KATNIP: variants seen among roughly 807,000 people sequenced by gnomAD.
KATNIP encodes katanin-interacting protein.
KATNIP carries 126 observed loss-of-function variants against 174.0 expected under a neutral mutation model. The observed-to-expected ratio is 0.72, with a 90% CI of 0.63 to 0.84. The LOEUF (loss-of-function observed/expected upper bound fraction) is 0.84. Ranked by LOEUF, KATNIP falls within the 40% of genes least tolerant of loss-of-function variation. KATNIP has a pLI of 0.00. For missense variants in KATNIP, 1,958 were observed against 2,109.7 expected (o/e 0.93, Z 1.41); for synonymous variants, 810 against 835.7 (o/e 0.97, Z 0.53).
chr16:27,762,481 G>A (rs1246135785), intron 19 of KATNIP, among the ~76,000 whole-genome samples: 1 of 152,110 alleles, frequency 6.6e-6, no homozygotes, highest in East Asian at 1.9e-4. Context: ...AATATGCAGA[G>A]GCCACCTAGA....
chr16:27,731,623 TC>T (rs1231253360), intron 14 of KATNIP, among the ~76,000 whole-genome samples: 1 of 151,460 alleles, frequency 6.6e-6, no homozygotes, highest in Admixed American at 6.6e-5. Flanking sequence ...CTTTTTCTTT[TC>T]TTTTTTTTTT....
Position 27,636,402 on chromosome 16 carries a change from A to G in KATNIP, c.408+5240A>G, listed in dbSNP as rs143992481. On this transcript the variant is annotated intron_variant, in intron 5 of 27. Coordinates refer to ENST00000261588, the MANE Select transcript of KATNIP (RefSeq NM_015202.5). ...ATGATTTCTCTTATCTCGTGTTTCC[A>G]TTTCCCGTCTGGTTCTTTGGGGCAT... is the stretch of plus-strand genomic sequence containing the variant. 2.0e-5 allele frequency among the ~76,000 whole-genome samples: 3 copies of G among 152,218 alleles called. No homozygotes were observed. The East Asian group carries it at 5.8e-4, about 29-fold the overall frequency.
intron 4 of KATNIP, among the ~76,000 whole-genome samples, chr16:27,630,463 G>A (rs2044414): frequency 0.062 from 9,473 of 152,256 alleles, 368 homozygotes; most frequent in Middle Eastern, 0.11. Flanking sequence ...TCCTGAAATG[G>A]TTTCCTAGGA....
intron 6 of KATNIP, among the ~76,000 whole-genome samples, chr16:27,665,125 T>G (rs1482641617): frequency 1.1e-4 from 16 of 150,782 alleles, no homozygotes; most frequent in South Asian, 4.2e-4. Flanking sequence ...CTCCGGAGGT[T>G]GTTTTTTTTT....
intron 8 of KATNIP, among the ~76,000 whole-genome samples, chr16:27,686,429 T>C (rs1279419442): frequency 6.6e-6 from 1 of 152,254 alleles, no homozygotes; most frequent in African/African-American, 2.4e-5. Context: ...AGTATTTGTA[T>C]GGTGTACTGT....
intron 10 of KATNIP, chr16:27,701,309 C>T (rs2079090169): frequency 3.5e-6 from 1 of 283,100 alleles, no homozygotes. Context: ...AAGCATGAAC[C>T]ATTGCGTCTG....
intron 8 of KATNIP, among the ~76,000 whole-genome samples, chr16:27,690,823 G>A (rs954643603): frequency 2.6e-5 from 4 of 152,184 alleles, no homozygotes; most frequent in African/African-American, 4.8e-5. Context: ...CAGCCCTGTC[G>A]AAAGGGGGCG....
intron 2 of KATNIP, among the ~76,000 whole-genome samples, chr16:27,598,087 G>T (rs943134764): frequency 1.3e-5 from 2 of 152,064 alleles, no homozygotes; most frequent in Non-Finnish European, 2.9e-5. Flanking sequence ...AAGTTAGCTG[G>T]GCGTGGTGGC....
Position 27,729,643 on chromosome 16 carries a change from C to T in KATNIP, c.1743+7948C>T, listed in dbSNP as rs1030596662. ...AAAGCTGCAGGCCTAACCACTGGAT[C>T]GCTATTTCTGGCCTTTCTTACTGCG... On this transcript the variant is annotated intron_variant, in intron 14 of 27. Transcript: ENST00000261588. Among the ~76,000 whole-genome samples, 3 of 152,150 alleles carry T rather than the reference C, an allele frequency of 2.0e-5. No individual in the cohort carries two copies. In the East Asian group the frequency reaches 5.8e-4, roughly 29 times the overall value.
intron 22 of KATNIP, among the ~76,000 whole-genome samples, chr16:27,771,984 A>G (rs2082323991): frequency 1.3e-5 from 2 of 152,328 alleles, no homozygotes; most frequent in South Asian, 4.1e-4. Context: ...GAAGATAGAA[A>G]TAACTTGGCA....
intron 8 of KATNIP, among the ~76,000 whole-genome samples, chr16:27,682,930 C>T (rs979908759): frequency 1.3e-5 from 2 of 152,190 alleles, no homozygotes; most frequent in African/African-American, 4.8e-5. Flanking sequence ...CTCATCCCCT[C>T]ACCATGCACT....
At chr16:27,659,430 AC>A (rs1217418408) in intron 6 of KATNIP, among the ~76,000 whole-genome samples, 1 of 151,888 alleles carries the variant, frequency 6.6e-6, no homozygotes, top group Non-Finnish European at 1.5e-5. Flanking sequence ...AGATTGCATG[AC>A]ACCAGGAGTT....
At chr16:27,685,822 A>G (rs1243973491) in intron 8 of KATNIP, among the ~76,000 whole-genome samples, 2 of 152,232 alleles carry the variant, frequency 1.3e-5, no homozygotes, top group African/African-American at 4.8e-5. Flanking sequence ...AAATGGGATT[A>G]TGGTAGAGCC....
chr16:27,599,256 C>T (rs936804260), intron 2 of KATNIP, among the ~76,000 whole-genome samples: 3 of 152,206 alleles, frequency 2.0e-5, no homozygotes, highest in Non-Finnish European at 4.4e-5. Flanking sequence ...CCCTAAACTC[C>T]GAACCCGTAC....
chr16:27,674,628 G>A (rs1224331178), intron 6 of KATNIP, among the ~76,000 whole-genome samples: 3 of 152,184 alleles, frequency 2.0e-5, no homozygotes, highest in African/African-American at 4.8e-5. Context: ...GACTCACCTG[G>A]ATAATCCAGG....
chr16:27,550,527 A>G (rs1428767461), intron 1 of KATNIP, among the ~76,000 whole-genome samples: 2 of 152,158 alleles, frequency 1.3e-5, no homozygotes, highest in African/African-American at 4.8e-5. Context: ...TATGAAAACA[A>G]GCTTGATCGT....
chr16:27,696,394 G>A (rs1052021199), intron 8 of KATNIP, among the ~76,000 whole-genome samples: 15 of 151,898 alleles, frequency 9.9e-5, no homozygotes, highest in African/African-American at 3.6e-4. Flanking sequence ...TGTTACATAG[G>A]TCAACTGCAT....
intron 13 of KATNIP, among the ~76,000 whole-genome samples, chr16:27,719,596 G>T (rs1471874981): frequency 2.0e-5 from 3 of 151,774 alleles, no homozygotes; most frequent in Non-Finnish European, 4.4e-5. Context: ...GGCCAGGCTG[G>T]TCTCGAACTC....
intron 10 of KATNIP, among the ~76,000 whole-genome samples, chr16:27,701,150 G>A (rs879849877): frequency 1.3e-5 from 2 of 151,964 alleles, no homozygotes; most frequent in Non-Finnish European, 2.9e-5. Flanking sequence ...GATGGTGAGA[G>A]GATTTTTTTT....
Sources: gnomAD v4.1 joint callset for allele counts (sites outside exome capture counted in the v4.1 genomes callset) on GRCh38, gnomAD v4.1.1 for gene constraint, MANE v1.5 for transcripts, NCBI Gene and HGNC (gene_info 2026-07-23, HGNC 2026-07-21) for gene names.